The following TNR variants were observed in gnomAD, a reference collection of about 807,000 sequenced individuals.
TNR encodes the protein tenascin R, also known as tenascin-R.
Under a neutral mutation model 150.4 loss-of-function variants are expected in TNR, and 45 were observed. The observed-to-expected ratio is 0.30, with a 90% CI of 0.24 to 0.38. TNR has a LOEUF of 0.38. Among genes scored for constraint, TNR ranks in the 10% least tolerant of loss-of-function variants. The pLI, the probability that TNR is intolerant of heterozygous loss-of-function variation, is 1.00. For synonymous variants in TNR, 687 were observed against 678.4 expected (o/e 1.01, Z -0.20); for missense variants, 1,544 against 1,759.1 (o/e 0.88, Z 2.19).
Position 175,491,524 on chromosome 1 carries a change from A to G in TNR, c.-64+36745T>C, listed in dbSNP as rs1305775475. Among the ~76,000 whole-genome samples the G allele has an allele frequency of 2.0e-5, 3 of 152,214 alleles. No individual in the cohort carries two copies. In the East Asian group the frequency reaches 5.8e-4, roughly 29 times the overall value. ...GATTTAGTCATTTTTACAAATGAGC[A>G]GTAAAGGGTCAGAATTACACAAGTT... On this transcript the variant is annotated intron_variant, in intron 2 of 22. Transcript: ENST00000367674.
Position 175,601,515 on chromosome 1 carries a change from CACTT to C in TNR, c.-164-73150_-164-73147del, listed in dbSNP as rs1326341634. ...TTAAAATCTGTACAATTTTGATAAACACTTAGCCACTCAAGTTTGAGTTCCTTGA... is the reference window on the plus strand; with the variant it reads ...TTAAAATCTGTACAATTTTGATAAACAGCCACTCAAGTTTGAGTTCCTTGA... On this transcript the variant is annotated intron_variant, in intron 1 of 22. Transcript: ENST00000367674. Among the ~76,000 whole-genome samples the C allele has an allele frequency of 1.6e-4, 24 of 152,286 alleles. No individual in the cohort carries two copies. In the East Asian group the frequency reaches 4.3e-3, roughly 27 times the overall value.
chr1:175,519,756 A>G (rs1372209396), intron 2 of TNR, among the ~76,000 whole-genome samples: 1 of 152,250 alleles, frequency 6.6e-6, no homozygotes, highest in Non-Finnish European at 1.5e-5. Flanking sequence ...CTTTGCCACC[A>G]AAACTATTGT....
Position 175,393,862 on chromosome 1 carries a change from G to T in TNR, c.1274C>A (p.Thr425Lys). 1 of 1,614,158 alleles carries T rather than the reference G, an allele frequency of 6.2e-7. No homozygotes were observed. The highest frequency in any genetic ancestry group is 8.5e-7 in the Non-Finnish European group (1 of 1,179,986). ...LSTPQGLQFK[T>K]ITETTVEVQW... ...CACCTCCACGGTGGTCTCTGTGATC[G>T]TCTTAAATTGTAGCCCTTGAGGAGT... The change falls in exon 6 of 23, where the codon ACG becomes AAG. Residue 425 changes from threonine to lysine, a missense_variant. Physicochemically the swap from Thr to Lys is moderately conservative, Grantham distance 78. Around this residue, in one of 2 missense-constraint regions of TNR, gnomAD observed 1,254 missense variants for 1,329.4 expected, o/e 0.94. Coordinates refer to ENST00000367674, the MANE Select transcript of TNR (RefSeq NM_003285.3).
chr1:175,406,094 C>T lies in TNR; in HGVS notation c.499+122G>A. 4 of 1,332,046 alleles carry T rather than the reference C, an allele frequency of 3.0e-6. No homozygotes were observed. The East Asian group carries it at 9.5e-5, about 32-fold the overall frequency. 82.5% of individuals were successfully genotyped at this position (1,332,046 alleles called of 1,614,324 possible). The stretch of plus-strand genomic sequence containing the variant: ...TTTCCTTTGACCGTGTGAAGAGATG[C>T]CGGGGTTTTGCTGGGAGTGCGTTTT... On this transcript the variant is annotated intron_variant, in intron 3 of 22. Coordinates refer to ENST00000367674, the MANE Select transcript of TNR (RefSeq NM_003285.3).
chr1:175,462,423 A>G (rs2102106847), intron 2 of TNR, among the ~76,000 whole-genome samples: 1 of 152,334 alleles, frequency 6.6e-6, no homozygotes, highest in East Asian at 1.9e-4. Flanking sequence ...AAAAATCAAA[A>G]TGTGCTCTTT....
intron 2 of TNR, among the ~76,000 whole-genome samples, chr1:175,436,751 C>T (rs1655530000): frequency 6.6e-6 from 1 of 152,086 alleles, no homozygotes; most frequent in Admixed American, 6.5e-5. Context: ...AAAAAACAGA[C>T]TTCTTTAAAC....
intron 1 of TNR, among the ~76,000 whole-genome samples, chr1:175,658,537 G>A (rs534906452): frequency 1.3e-5 from 2 of 152,310 alleles, no homozygotes; most frequent in South Asian, 4.1e-4. Flanking sequence ...GCCTGGCCAG[G>A]AACACACAGG....
At chr1:175,530,838 C>T (rs145120707) in intron 1 of TNR, among the ~76,000 whole-genome samples, 9 of 152,250 alleles carry the variant, frequency 5.9e-5, no homozygotes, top group East Asian at 1.9e-4. Flanking sequence ...CTTCCTTTCA[C>T]GCTCATTTAA....
chr1:175,450,799 AG>A (rs1356711222), intron 2 of TNR, among the ~76,000 whole-genome samples: 1 of 152,192 alleles, frequency 6.6e-6, no homozygotes, highest in Non-Finnish European at 1.5e-5. Flanking sequence ...ATAAAAATCT[AG>A]GGGGTCCTGA....
intron 1 of TNR, among the ~76,000 whole-genome samples, chr1:175,699,246 A>T (rs1396359746): frequency 6.6e-6 from 1 of 152,174 alleles, no homozygotes; most frequent in Non-Finnish European, 1.5e-5. Flanking sequence ...AGAAGAAAAA[A>T]AATGGTGAAA....
At chr1:175,666,519 C>A (rs1665536374) in intron 1 of TNR, among the ~76,000 whole-genome samples, 1 of 152,224 alleles carries the variant, frequency 6.6e-6, no homozygotes, top group African/African-American at 2.4e-5. Flanking sequence ...ATCTCAGGTG[C>A]TGAAGCCTCT....
chr1:175,471,440 G>A (rs961233860), intron 2 of TNR, among the ~76,000 whole-genome samples: 1 of 152,198 alleles, frequency 6.6e-6, no homozygotes, highest in Non-Finnish European at 1.5e-5. Flanking sequence ...TAGGTATATG[G>A]TGTATGTAGC....
intron 2 of TNR, among the ~76,000 whole-genome samples, chr1:175,462,401 C>T (rs564691801): frequency 2.2e-4 from 34 of 152,174 alleles, no homozygotes; most frequent in African/African-American, 5.8e-4. Context: ...TTTTGATAAA[C>T]GGGGAGGGAG....
chr1:175,702,093 T>A (rs1666713731), intron 1 of TNR, among the ~76,000 whole-genome samples: 1 of 152,204 alleles, frequency 6.6e-6, no homozygotes, highest in Admixed American at 6.5e-5. Flanking sequence ...TCAAATTACT[T>A]ATTTTCCAGG....
At chr1:175,440,489 G>A (rs887188394) in intron 2 of TNR, among the ~76,000 whole-genome samples, 1 of 151,294 alleles carries the variant, frequency 6.6e-6, no homozygotes, top group Non-Finnish European at 1.5e-5. Flanking sequence ...TAACAAACCT[G>A]TATGTTGTGC....
intron 4 of TNR, among the ~76,000 whole-genome samples, chr1:175,399,286 C>T (rs1653586615): frequency 6.6e-6 from 1 of 152,210 alleles, no homozygotes; most frequent in South Asian, 2.1e-4. Context: ...AAGTCACCAG[C>T]AATTCTTAGG....
intron 8 of TNR, among the ~76,000 whole-genome samples, chr1:175,380,537 C>T (rs1471189513): frequency 6.6e-6 from 1 of 151,494 alleles, no homozygotes; most frequent in South Asian, 2.1e-4. Flanking sequence ...CACCACTGCA[C>T]TCCAGCCTGG....
chr1:175,711,607 G>A (rs1667018069), intron 1 of TNR, among the ~76,000 whole-genome samples: 1 of 152,208 alleles, frequency 6.6e-6, no homozygotes, highest in Non-Finnish European at 1.5e-5. Flanking sequence ...GCAGGAGCGA[G>A]GGACTGGGGA....
chr1:175,482,505 G>C (rs1020751623), intron 2 of TNR, among the ~76,000 whole-genome samples: 6 of 152,116 alleles, frequency 3.9e-5, no homozygotes, highest in African/African-American at 1.4e-4. Flanking sequence ...TGAATCGCAG[G>C]AACCATAAGC....
Sources: allele counts gnomAD v4.1 joint callset (sites outside exome capture counted in the v4.1 genomes callset), GRCh38; gene constraint gnomAD v4.1.1; regional missense constraint gnomAD v4.1.1; transcripts MANE v1.5; gene names NCBI Gene and HGNC (gene_info 2026-07-23, HGNC 2026-07-21).